Variants in TNFRSF19 observed in about 807,000 individuals in gnomAD.
TNFRSF19 encodes TNF receptor superfamily member 19, also known as tumor necrosis factor receptor superfamily member 19.
TNFRSF19 carries 27 observed loss-of-function variants against 46.4 expected under a neutral mutation model. That is an observed-to-expected ratio of 0.58 (90% CI 0.43 to 0.80). The LOEUF is 0.80. Ranked by LOEUF, TNFRSF19 falls within the 30% of genes least tolerant of loss-of-function variation. The pLI, the probability that TNFRSF19 is intolerant of heterozygous loss-of-function variation, is 0.00. For missense variants in TNFRSF19, 511 were observed against 530.8 expected (o/e 0.96, Z 0.37); for synonymous variants, 204 against 205.0 (o/e 1.00, Z 0.04).
At position 23,588,245 on chromosome 13, in the gene TNFRSF19, T is replaced by C. The variant is rs1008070578; in HGVS notation, c.-34-1905T>C. 1.3e-5 allele frequency among the ~76,000 whole-genome samples: 2 copies of C among 152,172 alleles called. 1 individual carries two copies. The highest frequency in any genetic ancestry group is 1.3e-4 in the Admixed American group (2 of 15,274). On this transcript the variant is annotated intron_variant, in intron 1 of 9. Coordinates refer to ENST00000248484, the MANE Select transcript of TNFRSF19 (RefSeq NM_148957.4). ...CAGGGTTAAGTAACTTATTCCAGGT[T>C]GCACAGCTCATAAGTAGTGGTCTCA...
At chr13:23,658,981 G>T in intron 5 of TNFRSF19, 69 bp from the exon 6 acceptor site, 7 of 1,601,344 alleles carry the variant, frequency 4.4e-6, no homozygotes, top group Non-Finnish European at 6.0e-6. Context: ...AAGGGTGCCT[G>T]CCAGCTTCGC....
intron 9 of TNFRSF19, among the ~76,000 whole-genome samples, chr13:23,670,289 G>C (rs1951738185): frequency 6.6e-6 from 1 of 152,076 alleles, no homozygotes; most frequent in African/African-American, 2.4e-5. Flanking sequence ...CGTCCTCCTG[G>C]GCTCAAGCCA....
At chr13:23,648,035 C>G (rs1393348770) in intron 5 of TNFRSF19, among the ~76,000 whole-genome samples, 1 of 152,094 alleles carries the variant, frequency 6.6e-6, no homozygotes, top group Non-Finnish European at 1.5e-5. Flanking sequence ...AGTGCTCCAT[C>G]TTTGTTCTTT....
At chr13:23,627,250 C>A (rs1489066293) in intron 5 of TNFRSF19, among the ~76,000 whole-genome samples, 1 of 152,302 alleles carries the variant, frequency 6.6e-6, no homozygotes, top group South Asian at 2.1e-4. Context: ...CTGTGTGTCA[C>A]TAAATGGAAC....
intron 5 of TNFRSF19, among the ~76,000 whole-genome samples, chr13:23,657,549 G>C (rs1232378420): frequency 6.6e-6 from 1 of 151,970 alleles, no homozygotes; most frequent in African/African-American, 2.4e-5. Context: ...AACCACACCG[G>C]ATTTTAAAAT....
intron 3 of TNFRSF19, among the ~76,000 whole-genome samples, chr13:23,597,708 A>G (rs931466335): frequency 1.8e-4 from 28 of 152,244 alleles, no homozygotes; most frequent in Non-Finnish European, 4.1e-4. Context: ...AATTATTCCA[A>G]TCAATAGAAA....
At chr13:23,574,186 T>G (rs1877810969) in intron 1 of TNFRSF19, among the ~76,000 whole-genome samples, 1 of 152,130 alleles carries the variant, frequency 6.6e-6, no homozygotes, top group Admixed American at 6.5e-5. Flanking sequence ...ATAATAGGGC[T>G]TATCACCCTC....
At chr13:23,606,597 A>G (rs1171736174) in intron 3 of TNFRSF19, among the ~76,000 whole-genome samples, 1 of 152,194 alleles carries the variant, frequency 6.6e-6, no homozygotes, top group Non-Finnish European at 1.5e-5. Flanking sequence ...CTCAAATATT[A>G]CTTGGAAAAA....
At chr13:23,636,819 T>C (rs1424359324) in intron 5 of TNFRSF19, among the ~76,000 whole-genome samples, 1 of 152,166 alleles carries the variant, frequency 6.6e-6, no homozygotes, top group African/African-American at 2.4e-5. Flanking sequence ...AAGCAGGAGC[T>C]CACTCTCCTA....
Position 23,668,733 on chromosome 13 carries a change from G to T in TNFRSF19, c.881G>T (p.Gly294Val). 1 of 1,614,148 alleles carries T rather than the reference G, an allele frequency of 6.2e-7. No homozygotes were observed. Among genetic ancestry groups the T allele is most frequent in the African/African-American group, 1.3e-5 (1 of 75,058 alleles). Residue 294 changes from glycine to valine, a missense_variant, in exon 9 of 10, where the codon GGA (glycine) becomes GTA (valine). Physicochemically the swap from Gly to Val is moderately radical, Grantham distance 109. Transcript: ENST00000248484. The stretch of plus-strand genomic sequence containing the variant: ...GGGGAGATGGTGCCGACTTTCTTCG[G>T]ATCCCTCACGCAGTCCATCTGTGGC... ...PAGEMVPTFFGSLTQSICGEF... is the reference protein window; with the variant it reads ...PAGEMVPTFFVSLTQSICGEF...
chr13:23,571,271 G>C (rs1194824780), intron 1 of TNFRSF19, among the ~76,000 whole-genome samples: 1 of 152,184 alleles, frequency 6.6e-6, no homozygotes, highest in Non-Finnish European at 1.5e-5. Flanking sequence ...TTATATAAAA[G>C]AGTAAAATGT....
At chr13:23,650,467 A>G (rs1285707268) in intron 5 of TNFRSF19, among the ~76,000 whole-genome samples, 1 of 152,216 alleles carries the variant, frequency 6.6e-6, no homozygotes, top group Non-Finnish European at 1.5e-5. Flanking sequence ...AAAACATTAT[A>G]CTAAGTGAAA....
At chr13:23,577,485 A>T (rs935796246) in intron 1 of TNFRSF19, among the ~76,000 whole-genome samples, 1 of 152,238 alleles carries the variant, frequency 6.6e-6, no homozygotes, top group Non-Finnish European at 1.5e-5. Flanking sequence ...CCCTTCTCTG[A>T]AAGTGTTTTT....
chr13:23,573,012 T>C (rs970480543), intron 1 of TNFRSF19, among the ~76,000 whole-genome samples: 1 of 151,724 alleles, frequency 6.6e-6, no homozygotes, highest in African/African-American at 2.4e-5. Context: ...AGTGAGGGAG[T>C]TGATCACATC....
At chr13:23,608,583 G>A (rs990862997) in intron 3 of TNFRSF19, among the ~76,000 whole-genome samples, 4 of 152,146 alleles carry the variant, frequency 2.6e-5, no homozygotes, top group Non-Finnish European at 5.9e-5. Context: ...ATAGCCTAGT[G>A]CAATTCTCTC....
chr13:23,619,164 G>A (rs1881493411), intron 4 of TNFRSF19, among the ~76,000 whole-genome samples: 1 of 152,128 alleles, frequency 6.6e-6, no homozygotes, highest in African/African-American at 2.4e-5. Flanking sequence ...AAAACCAAAT[G>A]GGATATATTC....
rs533074357 is a variant in TNFRSF19, at chr13:23,611,183, C to G, written c.181-4684C>G. ...TCTTGCCATGATGGGAGGGACAACT[C>G]TAGTGCAACTTGGAAAGTGTCAAAG... is the stretch of plus-strand genomic sequence containing the variant. On this transcript the variant is annotated intron_variant, in intron 3 of 9. Coordinates refer to ENST00000248484, the MANE Select transcript of TNFRSF19 (RefSeq NM_148957.4). 3.9e-5 allele frequency among the ~76,000 whole-genome samples: 6 copies of G among 152,038 alleles called. No homozygotes were observed. In the South Asian group the frequency reaches 1.2e-3, roughly 32 times the overall value.
intron 1 of TNFRSF19, among the ~76,000 whole-genome samples, chr13:23,585,215 T>C (rs1156341303): frequency 6.6e-6 from 1 of 152,236 alleles, no homozygotes; most frequent in Non-Finnish European, 1.5e-5. Context: ...ACAGTTTTTT[T>C]GATGAAAACT....
chr13:23,625,044 G>A (rs1165325008), intron 4 of TNFRSF19, among the ~76,000 whole-genome samples: 8 of 152,182 alleles, frequency 5.3e-5, no homozygotes, highest in South Asian at 4.2e-4. Flanking sequence ...GAGTCACTGC[G>A]CCTGGCCACA....
Sources: allele counts gnomAD v4.1 joint callset (sites outside exome capture counted in the v4.1 genomes callset), GRCh38; gene constraint gnomAD v4.1.1; transcripts MANE v1.5; gene names NCBI Gene and HGNC (gene_info 2026-07-23, HGNC 2026-07-21).